ARVCF: variants seen among roughly 807,000 people sequenced by gnomAD.
The protein encoded by ARVCF is splicing regulator ARVCF.
A neutral mutation model predicts 90.9 loss-of-function variants in ARVCF; 66 were observed. The observed-to-expected ratio is 0.73, with a 90% CI of 0.60 to 0.89. ARVCF has a LOEUF of 0.89. Ranked by LOEUF, ARVCF falls within the 40% of genes least tolerant of loss-of-function variation. The probability of loss-of-function intolerance (pLI) is 0.00; values close to 1 mark genes in which losing one functional copy is unlikely to be tolerated. For synonymous variants in ARVCF, 653 were observed against 603.4 expected (o/e 1.08, Z -1.21); for missense variants, 1,469 against 1,382.3 (o/e 1.06, Z -1.00).
rs761398105 is a variant in ARVCF, at chr22:19,990,586, T to C, written c.209A>G (p.Gln70Arg). 6.2e-6 allele frequency: 10 copies of C among 1,605,496 alleles called. No individual in the cohort carries two copies. The Admixed American group carries it at 1.7e-4, about 27-fold the overall frequency. Residue 70 changes from glutamine to arginine, a missense_variant and splice_region_variant, in exon 3 of 20, where the codon CAG (glutamine) becomes CGG (arginine). Physicochemically the swap from Gln to Arg is conservative, Grantham distance 43 (BLOSUM62 1). Transcript: ENST00000263207. ...CTTCCCAAGTCACTAGGCTGTTACC[T>C]GGAGGACCAGCTGTTGCCAGGCCAT... ...LPMAWQQLVL[Q>R]EQSPGSQASL...
chr22:19,981,068 C>T lies in ARVCF; in HGVS notation c.896+143G>A, dbSNP rs1380165601. The T allele has an allele frequency of 2.6e-6, 3 of 1,136,070 alleles. No homozygotes were observed. The South Asian group carries it at 5.0e-5, about 19-fold the overall frequency. The allele number at this position is 1,136,070 out of a possible 1,614,324, so 70.4% of individuals were successfully genotyped here. ...ACCCCAGGGTCCACCTTTCTTCTGT[C>T]CCTGACGAGAGCCAAGGCCAATTCA... On this transcript the variant is annotated intron_variant, in intron 5 of 19. Coordinates refer to ENST00000263207, the MANE Select transcript of ARVCF (RefSeq NM_001670.3).
In ARVCF at chr22:19,979,885, G is replaced by A. The variant is rs1305629375; in HGVS notation, c.1254C>T (p.Arg418=). 12 of 1,606,132 alleles carry A rather than the reference G, an allele frequency of 7.5e-6. No individual in the cohort carries two copies. The highest frequency in any genetic ancestry group is 1.0e-5 in the Non-Finnish European group (12 of 1,177,344). Residue 418 remains arginine, a synonymous_variant, in exon 6 of 20, where the codon CGC becomes CGT. Coordinates refer to ENST00000263207, the MANE Select transcript of ARVCF (RefSeq NM_001670.3). ...LLDHPRAEVR[R]RACGALRNLS... is the part of the protein sequence containing the mutation. Reference sequence around the variant, plus strand: ...GGTTGCGCAGTGCCCCACAGGCCCGGCGCCGCACCTCAGCCCGCGGGTGGT... The same window carrying A: ...GGTTGCGCAGTGCCCCACAGGCCCGACGCCGCACCTCAGCCCGCGGGTGGT...
At chr22:20,010,798 C>T (rs964749281) in intron 1 of ARVCF, among the ~76,000 whole-genome samples, 10 of 152,352 alleles carry the variant, frequency 6.6e-5, no homozygotes, top group Middle Eastern at 3.4e-3. Flanking sequence ...CTGATAATGA[C>T]GTCTTCCCCA....
rs1416902454 is a variant in ARVCF at position 19,977,481 on chromosome 22, T to C, written c.1804A>G (p.Ser602Gly). ...CTCCGGCGCTGGGAGCCTACAGCAC[T>C]GCCCAGGGGCCCGGGCTCGGCCTCC... ...YQEAEPGPLG[S>G]AVGSQRRRRD... Residue 602 changes from serine (S) to glycine (G), a missense_variant, in exon 9 of 20, where the codon AGT becomes GGT. Ser to Gly is a moderately conservative substitution (Grantham distance 56). Coordinates refer to ENST00000263207, the MANE Select transcript of ARVCF (RefSeq NM_001670.3). 1 of 1,593,310 alleles carries C rather than the reference T, an allele frequency of 6.3e-7. No homozygotes were observed. Among genetic ancestry groups the C allele is most frequent in the South Asian group, 1.1e-5 (1 of 89,288 alleles).
intron 7 of ARVCF, among the ~76,000 whole-genome samples, chr22:19,978,596 T>C (rs1004215204): frequency 7.9e-5 from 12 of 151,724 alleles, no homozygotes; most frequent in African/African-American, 2.9e-4. Context: ...CCCAGGCAGA[T>C]GAACAGGAAG....
intron 1 of ARVCF, among the ~76,000 whole-genome samples, 171 bp downstream of exon 1, chr22:20,016,418 T>G (rs1047589232): frequency 1.3e-5 from 2 of 151,926 alleles, no homozygotes; most frequent in Non-Finnish European, 2.9e-5. Context: ...GGGCGGAGAT[T>G]GGCTCCGACG....
Position 20,005,280 on chromosome 22 carries a change from G to A in ARVCF, c.-19+5175C>T, listed in dbSNP as rs550782862. Among the ~76,000 whole-genome samples the A allele has an allele frequency of 5.3e-5, 8 of 151,636 alleles. No homozygotes were observed. The South Asian group carries it at 6.2e-4, about 12-fold the overall frequency. ...AGATATATAAACGGCCAACAAGCAC[G>A]TTAAAAAATTTGCTCAACATTTCTA... On this transcript the variant is annotated intron_variant, in intron 2 of 19. Transcript: ENST00000263207.
downstream of ARVCF, chr22:19,967,425 T>C (rs1321788976): frequency 4.3e-6 from 2 of 470,206 alleles, no homozygotes; most frequent in Admixed American, 4.7e-5. Context: ...AAACACATCA[T>C]GATTCATGGT....
chr22:19,975,794 C>T (rs778849098), intron 10 of ARVCF, 37 bp from the exon 11 acceptor site: 13 of 1,605,580 alleles, frequency 8.1e-6, no homozygotes, highest in Admixed American at 6.7e-5. Context: ...AGGCAGACCC[C>T]ATATGGGGAA....
rs563696635 is a variant in ARVCF at position 19,979,790 on chromosome 22, C to T, written c.1349G>A (p.Arg450His). The change falls in exon 6 of 20, where the codon CGC (arginine) becomes CAC (histidine). Residue 450 changes from arginine to histidine, a missense_variant. Physicochemically the swap from Arg to His is conservative, Grantham distance 29. Coordinates refer to ENST00000263207, the MANE Select transcript of ARVCF (RefSeq NM_001670.3). ...GTTGTCCCGGGCAGCCCTCAGCAGG[C>T]GCACCAGGGCAGGCACACCACCGCA... ...RDCGGVPALV[R>H]LLRAARDNEV... 5.0e-6 allele frequency: 8 copies of T among 1,608,312 alleles called. No homozygotes were observed. Among genetic ancestry groups the T allele is most frequent in the East Asian group, 2.2e-5 (1 of 44,656 alleles).
At chr22:19,968,859 A>C, downstream of ARVCF, 1 of 891,456 alleles carries the variant, frequency 1.1e-6, no homozygotes, top group Non-Finnish European at 1.8e-6. Flanking sequence ...ACCTCGGCCG[A>C]GGCCTGCGCC....
chr22:20,003,018 A>T (rs1944497771), intron 2 of ARVCF, among the ~76,000 whole-genome samples: 1 of 152,176 alleles, frequency 6.6e-6, no homozygotes, highest in Non-Finnish European at 1.5e-5. Flanking sequence ...ATAAAACAGA[A>T]CAAAAAAAAA....
downstream of ARVCF, chr22:19,965,779 G>C (rs1367277538): frequency 2.0e-5 from 3 of 151,854 alleles, no homozygotes; most frequent in Non-Finnish European, 4.4e-5. Flanking sequence ...AACCCTGGCC[G>C]TGGAGAGGGA....
chr22:19,993,909 C>T (rs374060132), intron 2 of ARVCF, among the ~76,000 whole-genome samples: 75 of 152,318 alleles, frequency 4.9e-4, no homozygotes, highest in African/African-American at 1.5e-3. Context: ...ACATTGGCCA[C>T]GTACCCAAGG....
intron 2 of ARVCF, among the ~76,000 whole-genome samples, chr22:19,995,309 G>T (rs543586800): frequency 6.6e-6 from 1 of 151,952 alleles, no homozygotes. Context: ...GTAGGAGGGT[G>T]GGCAGATGGG....
chr22:19,968,437 G>C, downstream of ARVCF: 2 of 1,166,406 alleles, frequency 1.7e-6, no homozygotes, highest in Non-Finnish European at 2.5e-6. Context: ...AGGCACAGGC[G>C]TGGTGCCGTG....
In ARVCF at chr22:19,972,765, G is replaced by A; in HGVS notation, c.2613C>T (p.Ser871=). Residue 871 remains serine, a synonymous_variant, in exon 16 of 20, where the codon AGC becomes AGT. Coordinates refer to ENST00000263207, the MANE Select transcript of ARVCF (RefSeq NM_001670.3). ...GALSPGGFDD[S]TLPLVDKSLE... is the part of the protein sequence containing the mutation. ...GGCTCTTGTCCACCAGTGGCAGCGTGCTGTCATCGAAGCCCCCAGGACTCA... is the reference window on the plus strand; with the variant it reads ...GGCTCTTGTCCACCAGTGGCAGCGTACTGTCATCGAAGCCCCCAGGACTCA... 6.2e-7 allele frequency: 1 copy of A among 1,613,012 alleles called. No individual in the cohort carries two copies. Among genetic ancestry groups the A allele is most frequent in the Non-Finnish European group, 8.5e-7 (1 of 1,179,498 alleles).
intron 3 of ARVCF, among the ~76,000 whole-genome samples, 188 bp downstream of exon 3, chr22:19,990,397 T>A (rs1943980673): frequency 6.6e-6 from 1 of 152,214 alleles, no homozygotes; most frequent in African/African-American, 2.4e-5. Flanking sequence ...CTGCCCACTC[T>A]TCACATGGTG....
At chr22:20,006,604 A>G (rs1475218424) in intron 2 of ARVCF, among the ~76,000 whole-genome samples, 4 of 149,776 alleles carry the variant, frequency 2.7e-5, no homozygotes, top group Non-Finnish European at 5.9e-5. Flanking sequence ...GCTCCCTCAC[A>G]TAATAAGTAA....
Sources: allele counts gnomAD v4.1 joint callset (sites outside exome capture counted in the v4.1 genomes callset), GRCh38; gene constraint gnomAD v4.1.1; transcripts MANE v1.5; gene names NCBI Gene and HGNC (gene_info 2026-07-23, HGNC 2026-07-21).